The following KANTR variants were observed in gnomAD, a reference collection of about 807,000 sequenced individuals.
KANTR encodes the protein KANTR integral membrane protein, also known as KDM5C adjacent transcript.
chrX:53,128,198 T>C (rs1933313578), downstream of KANTR, among the ~76,000 whole-genome samples: 1 of 111,553 alleles, frequency 9.0e-6, no homozygotes, highest in South Asian at 3.8e-4. Context: ...ATCAGAATTA[T>C]ACAGAATGCC....
chrX:53,118,098 C>CA, intron 2 of KANTR, among the ~76,000 whole-genome samples: 1 of 111,915 alleles, frequency 8.9e-6, no homozygotes, highest in Middle Eastern at 4.6e-3. Flanking sequence ...CTCTTATGGA[C>CA]AGTGCTACCA....
At chrX:53,111,248 T>G (rs1556813742) in intron 2 of KANTR, among the ~76,000 whole-genome samples, 2 of 109,349 alleles carry the variant, frequency 1.8e-5, no homozygotes, top group African/African-American at 6.7e-5. Context: ...AACTCCTGCC[T>G]TGAACTCAAG....
chrX:53,099,927 A>G (rs1932875440), intron 2 of KANTR, among the ~76,000 whole-genome samples: 1 of 112,179 alleles, frequency 8.9e-6, no homozygotes, highest in South Asian at 3.7e-4. Flanking sequence ...AAACTATGCT[A>G]TAAACAGATT....
intron 2 of KANTR, among the ~76,000 whole-genome samples, chrX:53,136,665 G>A (rs1933424627): frequency 1.5e-5 from 1 of 64,665 alleles, no homozygotes; most frequent in Non-Finnish European, 3.0e-5. Context: ...GAGTAGCTGG[G>A]ATTACAGGCA....
chrX:53,112,568 C>T (rs1556813961), intron 2 of KANTR, among the ~76,000 whole-genome samples: 2 of 111,715 alleles, frequency 1.8e-5, no homozygotes, highest in African/African-American at 6.5e-5. Flanking sequence ...TTTTTCATGG[C>T]CTGTAAGGTC....
chrX:53,142,606 T>G (rs1361496968), exon 3 of KANTR: 9 of 315,326 alleles, frequency 2.9e-5, no homozygotes, highest in Non-Finnish European at 5.5e-5. Context: ...GAGCCACCAC[T>G]TCTGGCCACA....
downstream of KANTR, chrX:53,143,188 G>A (rs1326376156): frequency 1.3e-6 from 1 of 768,297 alleles, no homozygotes. Flanking sequence ...GACCTGACCT[G>A]GCCATCAGGC....
At chrX:53,129,235 T>TTGTGTG (rs57493383), downstream of KANTR, among the ~76,000 whole-genome samples, 1,200 of 83,340 alleles carry the variant, frequency 0.014, 20 homozygotes, top group African/African-American at 0.03. Flanking sequence ...GCCTGGCTAT[T>TTGTGTG]TGTGTGTGTG....
At chrX:53,137,769 CA>C (rs61347731) in intron 2 of KANTR, among the ~76,000 whole-genome samples, 239 of 88,245 alleles carry the variant, frequency 2.7e-3, no homozygotes, top group Middle Eastern at 5.8e-3. Flanking sequence ...AACTCCATCT[CA>C]AAAAAAAAAA....
chrX:53,137,110 C>T (rs1556817793), intron 2 of KANTR, among the ~76,000 whole-genome samples: 1 of 110,195 alleles, frequency 9.1e-6, no homozygotes. Flanking sequence ...CTTGGGTTCT[C>T]CCATCCAGTT....
intron 2 of KANTR, among the ~76,000 whole-genome samples, chrX:53,100,687 A>G (rs184375921): frequency 2.6e-3 from 279 of 109,192 alleles, no homozygotes; most frequent in Middle Eastern, 4.7e-3. Context: ...AATCCCAGCT[A>G]CTCAAGAGGC....
intron 2 of KANTR, among the ~76,000 whole-genome samples, chrX:53,102,638 C>T (rs891944408): frequency 1.8e-5 from 2 of 111,739 alleles, no homozygotes; most frequent in Non-Finnish European, 3.8e-5. Flanking sequence ...CACTATAGTT[C>T]CCCTTTTTTC....
chrX:53,142,411 G>A (rs782241717), exon 3 of KANTR: 24 of 170,103 alleles, frequency 1.4e-4, no homozygotes, highest in Non-Finnish European at 2.6e-4. Flanking sequence ...TGCCTCCCAG[G>A]TTCAAGTGAT....
rs782330283 is a variant in KANTR, at chrX:53,122,512, T to G, written c.-804-957T>G. Among the ~76,000 whole-genome samples the G allele has an allele frequency of 6.3e-5, 7 of 111,645 alleles. No homozygotes were observed. In the South Asian group the frequency reaches 2.6e-3, roughly 42 times the overall value. On this transcript the variant is annotated intron_variant, in intron 2 of 2. Coordinates refer to ENST00000604062, the Ensembl canonical transcript of KANTR. ...GCATGCATCTGTGTCTTGTTGTGTA[T>G]TTTAGAGGAAACACCACTAACTTTT...
intron 2 of KANTR, among the ~76,000 whole-genome samples, chrX:53,100,256 G>A (rs1030827518): frequency 3.6e-5 from 4 of 110,525 alleles, no homozygotes; most frequent in Non-Finnish European, 7.6e-5. Context: ...TGAGGCGGAC[G>A]GATCACCTGA....
At chrX:53,111,229 C>T (rs1283160144) in intron 2 of KANTR, among the ~76,000 whole-genome samples, 1 of 108,766 alleles carries the variant, frequency 9.2e-6, no homozygotes, top group Non-Finnish European at 1.9e-5. Context: ...GTTGCCCAGG[C>T]TGGTCTCAAA....
intron 2 of KANTR, among the ~76,000 whole-genome samples, chrX:53,104,596 T>G (rs782034611): frequency 9.0e-6 from 1 of 111,359 alleles, no homozygotes; most frequent in East Asian, 2.8e-4. Context: ...AGCCACCCAC[T>G]AATATACTTT....
At chrX:53,135,678 T>G (rs987712531) in intron 2 of KANTR, among the ~76,000 whole-genome samples, 2 of 112,042 alleles carry the variant, frequency 1.8e-5, no homozygotes, top group African/African-American at 6.5e-5. Flanking sequence ...TGCAGGCCAG[T>G]TGGAGTATAA....
chrX:53,107,040 A>G (rs1409506043), intron 2 of KANTR, among the ~76,000 whole-genome samples: 2 of 110,800 alleles, frequency 1.8e-5, no homozygotes, highest in Non-Finnish European at 3.8e-5. Context: ...GTCTGTCACT[A>G]TGCTAGACCA....
Sources: gnomAD v4.1 joint callset for allele counts (sites outside exome capture counted in the v4.1 genomes callset) on GRCh38, gnomAD v4.1.1 for gene constraint, MANE v1.5 for transcripts, NCBI Gene and HGNC (gene_info 2026-07-23, HGNC 2026-07-21) for gene names.